The following RAB10 variants were observed in gnomAD, a reference collection of about 807,000 sequenced individuals.
The protein encoded by RAB10 is RAB10, member RAS oncogene family, also known as ras-related protein Rab-10.
RAB10 carries 5 observed loss-of-function variants against 25.7 expected under a neutral mutation model. The ratio of observed to expected loss-of-function variants is 0.19; its 90% confidence interval spans 0.10 to 0.41. The LOEUF (loss-of-function observed/expected upper bound fraction) is 0.41. Among genes scored for constraint, RAB10 ranks in the 10% least tolerant of loss-of-function variants. RAB10 has a pLI of 1.00. For missense variants in RAB10, 103 were observed against 245.8 expected (o/e 0.42, Z 3.89); for synonymous variants, 89 against 86.4 (o/e 1.03, Z -0.16).
intron 1 of RAB10, among the ~76,000 whole-genome samples, chr2:26,058,442 A>T (rs893593619): frequency 1.0e-4 from 15 of 150,728 alleles, no homozygotes; most frequent in Non-Finnish European, 2.1e-4. Flanking sequence ...CTTTTTTTTT[A>T]AATTGAGACA....
intron 1 of RAB10, among the ~76,000 whole-genome samples, chr2:26,064,507 T>A (rs34536218): frequency 0.14 from 21,556 of 149,584 alleles, 1,864 homozygotes; most frequent in Middle Eastern, 0.24. Flanking sequence ...GAAAAAAAAA[T>A]TTTTTTTTTC....
chr2:26,117,155 G>A (rs1667707485), intron 3 of RAB10, among the ~76,000 whole-genome samples: 1 of 152,076 alleles, frequency 6.6e-6, no homozygotes, highest in Non-Finnish European at 1.5e-5. Flanking sequence ...ATTTTTATAT[G>A]CTTTAGTGTG....
rs1668097239 is a variant in RAB10 at position 26,135,697 on chromosome 2, T to C, written c.*676T>C. 6.6e-6 allele frequency: 1 copy of C among 152,642 alleles called. No individual in the cohort carries two copies. The highest frequency in any genetic ancestry group is 2.4e-5 in the African/African-American group (1 of 41,446). The allele number at this position is 152,642 out of a possible 1,614,324, so 9.5% of individuals were successfully genotyped here. A position where few individuals can be genotyped will look rare whatever the true frequency, so the allele number is the denominator to read the frequency against. On this transcript the variant is annotated 3_prime_UTR_variant, in exon 6 of 6. Coordinates refer to ENST00000264710, the MANE Select transcript of RAB10 (RefSeq NM_016131.5). Reference sequence around the variant, plus strand: ...AAAGGGTAATGCAGAAGTGATAGCTTTGGTTTGCTGAGTCTTGTTTTAAGT... The same window carrying C: ...AAAGGGTAATGCAGAAGTGATAGCTCTGGTTTGCTGAGTCTTGTTTTAAGT...
At chr2:26,099,976 C>G (rs558723564) in intron 2 of RAB10, among the ~76,000 whole-genome samples, 1 of 152,252 alleles carries the variant, frequency 6.6e-6, no homozygotes, top group Admixed American at 6.5e-5. Flanking sequence ...GGGTCCTGTC[C>G]TGGGTCCTAC....
At chr2:26,116,851 C>T (rs182912002) in intron 3 of RAB10, among the ~76,000 whole-genome samples, 47 of 151,502 alleles carry the variant, frequency 3.1e-4, no homozygotes, top group African/African-American at 9.4e-4. Flanking sequence ...CCACCACGCC[C>T]GGCCTTTTTT....
chr2:26,034,864 T>G lies in RAB10; in HGVS notation c.127+129T>G, dbSNP rs1321521621. 6 of 1,362,268 alleles carry G rather than the reference T, an allele frequency of 4.4e-6. No individual in the cohort carries two copies. The Admixed American group carries it at 1.2e-4, about 27-fold the overall frequency. The allele number at this position is 1,362,268 out of a possible 1,614,324, so 84.4% of individuals were successfully genotyped here. A position where few individuals can be genotyped will look rare whatever the true frequency, so the allele number is the denominator to read the frequency against. On this transcript the variant is annotated intron_variant, in intron 1 of 5. Coordinates refer to ENST00000264710, the MANE Select transcript of RAB10 (RefSeq NM_016131.5). Reference sequence around the variant, plus strand: ...CCGATTCCAAACGACACATCCAAGTTACTGTTTGAATCGGCATCGAGCTTA... The same window carrying G: ...CCGATTCCAAACGACACATCCAAGTGACTGTTTGAATCGGCATCGAGCTTA...
chr2:26,106,292 A>C (rs1010312220), intron 2 of RAB10, among the ~76,000 whole-genome samples: 5 of 152,224 alleles, frequency 3.3e-5, no homozygotes, highest in Non-Finnish European at 7.3e-5. Context: ...ACAATTTGAC[A>C]AAGTAAAATA....
chr2:26,071,688 C>CAA (rs70950164), intron 1 of RAB10, among the ~76,000 whole-genome samples: 2 of 144,600 alleles, frequency 1.4e-5, no homozygotes, highest in Admixed American at 6.9e-5. Flanking sequence ...GACTTCATCT[C>CAA]AAAAAAAAAA....
chr2:26,131,882 A>G (rs1281015093), intron 5 of RAB10, among the ~76,000 whole-genome samples: 1 of 152,222 alleles, frequency 6.6e-6, no homozygotes, highest in Non-Finnish European at 1.5e-5. Context: ...GATTGTTTAT[A>G]TCATAATTGA....
intron 3 of RAB10, among the ~76,000 whole-genome samples, chr2:26,124,252 G>A (rs992665782): frequency 2.6e-5 from 4 of 151,340 alleles, no homozygotes; most frequent in African/African-American, 9.7e-5. Flanking sequence ...CATTGTTCAA[G>A]GGTCAACTGT....
At chr2:26,076,161 A>G (rs923484472) in intron 1 of RAB10, among the ~76,000 whole-genome samples, 1 of 151,970 alleles carries the variant, frequency 6.6e-6, no homozygotes, top group African/African-American at 2.4e-5. Context: ...ATCTCATTTA[A>G]TCCCCATAAC....
chr2:26,057,056 T>C (rs1666282142), intron 1 of RAB10, among the ~76,000 whole-genome samples: 1 of 152,200 alleles, frequency 6.6e-6, no homozygotes, highest in South Asian at 2.1e-4. Flanking sequence ...GCTGGGCCAA[T>C]TGGTGCCATT....
At chr2:26,054,010 TTTCTTTTTTTTTTTTTTCCCTTCTG>T (rs1223267842) in intron 1 of RAB10, among the ~76,000 whole-genome samples, 3 of 149,894 alleles carry the variant, frequency 2.0e-5, no homozygotes, top group Admixed American at 6.6e-5. Context: ...CTTCTTTTTC[TTTCTTTTTTTTTTTTTTCCCTTCTG>T]TTCTTTTTTT....
intron 1 of RAB10, among the ~76,000 whole-genome samples, chr2:26,087,755 A>G (rs1328494022): frequency 1.3e-5 from 2 of 152,186 alleles, no homozygotes; most frequent in African/African-American, 2.4e-5. Context: ...AAATAATACT[A>G]TGAACTAGGA....
chr2:26,098,203 C>T (rs1667268784), intron 1 of RAB10, among the ~76,000 whole-genome samples: 1 of 148,464 alleles, frequency 6.7e-6, no homozygotes, highest in South Asian at 2.1e-4. Context: ...TCACTGCAAC[C>T]TCTGCCTCTT....
intron 3 of RAB10, among the ~76,000 whole-genome samples, chr2:26,114,421 G>A (rs1261304899): frequency 6.6e-6 from 1 of 152,122 alleles, no homozygotes; most frequent in Non-Finnish European, 1.5e-5. Context: ...AGTATTGAGA[G>A]TCTAAAAATA....
chr2:26,133,718 G>A (rs1350489440), intron 5 of RAB10, among the ~76,000 whole-genome samples: 1 of 151,836 alleles, frequency 6.6e-6, no homozygotes, highest in Non-Finnish European at 1.5e-5. Context: ...CCGTCGCCCA[G>A]GCTGGAGTGC....
At chr2:26,081,225 TCA>T (rs1460820415) in intron 1 of RAB10, among the ~76,000 whole-genome samples, 5 of 152,186 alleles carry the variant, frequency 3.3e-5, no homozygotes, top group Non-Finnish European at 7.3e-5. Flanking sequence ...TAAACCTCTT[TCA>T]ATAGTAAATT....
intron 1 of RAB10, among the ~76,000 whole-genome samples, chr2:26,066,122 A>G (rs1165815053): frequency 2.0e-5 from 3 of 152,258 alleles, no homozygotes; most frequent in Admixed American, 1.3e-4. Context: ...ATTGGATGAA[A>G]GAAATCAAGC....
Sources: allele counts gnomAD v4.1 joint callset (sites outside exome capture counted in the v4.1 genomes callset), GRCh38; gene constraint gnomAD v4.1.1; transcripts MANE v1.5; gene names NCBI Gene and HGNC (gene_info 2026-07-23, HGNC 2026-07-21).